The following BARD1 variants were observed in gnomAD, a reference collection of about 807,000 sequenced individuals.
BARD1 encodes BRCA1-associated RING domain protein 1.
Under a neutral mutation model 77.0 loss-of-function variants are expected in BARD1, and 73 were observed. That is an observed-to-expected ratio of 0.95 (90% CI 0.79 to 1.15). The LOEUF (loss-of-function observed/expected upper bound fraction) is 1.15. Ranked by LOEUF, BARD1 falls within the 50% of genes most tolerant of loss-of-function variation. BARD1 has a pLI of 0.00. For synonymous variants in BARD1, 384 were observed against 338.0 expected, an observed-to-expected ratio of 1.14 and a Z score of -1.49; for missense variants, 993 against 938.8, an observed-to-expected ratio of 1.06 and a Z score of -0.75.
intron 6 of BARD1, among the ~76,000 whole-genome samples, chr2:214,759,547 CA>C (rs938466883): frequency 1.6e-4 from 23 of 147,136 alleles, no homozygotes; most frequent in Non-Finnish European, 7.5e-5. Flanking sequence ...TTTTTTTATG[CA>C]AAAAAAAATT....
At chr2:214,756,990 TAATA>T (rs555578194) in intron 6 of BARD1, among the ~76,000 whole-genome samples, 4 of 152,180 alleles carry the variant, frequency 2.6e-5, no homozygotes, top group East Asian at 3.9e-4. Flanking sequence ...AAAAAAATTA[TAATA>T]AATAAATAAA....
At chr2:214,792,087 G>GA (rs1250032912) in intron 3 of BARD1, among the ~76,000 whole-genome samples, 2 of 150,282 alleles carry the variant, frequency 1.3e-5, no homozygotes, top group African/African-American at 2.5e-5. Context: ...GAGGTGGGGG[G>GA]AATCCCTTGA....
At chr2:214,792,852 C>T (rs1274365820) in intron 2 of BARD1, among the ~76,000 whole-genome samples, 1 of 152,110 alleles carries the variant, frequency 6.6e-6, no homozygotes, top group Admixed American at 6.6e-5. Flanking sequence ...TGTTTTGGGA[C>T]TAGTATCTCA....
rs113789798 is a variant in BARD1, at chr2:214,728,537, C to CTT, written c.*137_*138dup. On this transcript the variant is annotated 3_prime_UTR_variant, in exon 11 of 11. Coordinates refer to ENST00000260947, the MANE Select transcript of BARD1 (RefSeq NM_000465.4). ...CATGAATTCCTAATCTGGCATTAGA[C>CTT]TTTTTTTTTTTTTTTGATTCAAAGA... 199,626 of 582,174 alleles carry CTT rather than the reference C, an allele frequency of 0.34. 19,890 individuals are homozygous for CTT. The highest frequency in any genetic ancestry group is 0.53 in the African/African-American group (26,895 of 50,948). 36.1% of individuals were successfully genotyped at this position (582,174 alleles called of 1,614,324 possible). A position where few individuals can be genotyped will look rare whatever the true frequency, so the allele number is the denominator to read the frequency against.
At chr2:214,786,623 G>T (rs1308653855) in intron 3 of BARD1, among the ~76,000 whole-genome samples, 2 of 151,894 alleles carry the variant, frequency 1.3e-5, no homozygotes, top group Non-Finnish European at 2.9e-5. Flanking sequence ...TTCAGACATG[G>T]TCCCTCTCTA....
At chr2:214,766,380 G>A (rs1559408256) in intron 6 of BARD1, among the ~76,000 whole-genome samples, 1 of 152,056 alleles carries the variant, frequency 6.6e-6, no homozygotes, top group East Asian at 1.9e-4. Context: ...AAAATAAAAT[G>A]GGAATGAAAT....
At chr2:214,744,987 C>G (rs1693029814) in intron 9 of BARD1, 80 bp downstream of exon 9, 8 of 1,217,800 alleles carry the variant, frequency 6.6e-6, no homozygotes, top group Non-Finnish European at 9.6e-6. Flanking sequence ...ACATCAAGTT[C>G]CTTAATCACA....
At chr2:214,746,855 G>A (rs1319514134) in intron 7 of BARD1, among the ~76,000 whole-genome samples, 3 of 152,088 alleles carry the variant, frequency 2.0e-5, no homozygotes, top group Non-Finnish European at 4.4e-5. Context: ...ATTGACAAAT[G>A]GGATCTCATT....
At chr2:214,787,973 A>G (rs1414258386) in intron 3 of BARD1, among the ~76,000 whole-genome samples, 1 of 152,024 alleles carries the variant, frequency 6.6e-6, no homozygotes, top group East Asian at 1.9e-4. Context: ...TAACGCCTTC[A>G]CTGAAGAATG....
intron 9 of BARD1, 61 bp from the exon 10 acceptor site, chr2:214,730,569 T>C: frequency 7.3e-7 from 1 of 1,378,458 alleles, no homozygotes. Context: ...ATCTCTCTCA[T>C]TAAAATCAAG....
At chr2:214,769,881 C>T (rs1359858208) in intron 4 of BARD1, among the ~76,000 whole-genome samples, 1 of 152,194 alleles carries the variant, frequency 6.6e-6, no homozygotes, top group Non-Finnish European at 1.5e-5. Flanking sequence ...ATAAAGGACA[C>T]TGGCCAAAGA....
Position 214,726,351 on chromosome 2 carries a change from G to A in BARD1, c.*2325C>T. 1 of 204,214 alleles carries A rather than the reference G, an allele frequency of 4.9e-6. No individual in the cohort carries two copies. The highest frequency in any genetic ancestry group is 1.0e-5 in the Non-Finnish European group (1 of 99,614). 12.7% of individuals were successfully genotyped at this position (204,214 alleles called of 1,614,324 possible). On this transcript the variant is annotated 3_prime_UTR_variant, in exon 11 of 11. Transcript: ENST00000260947. ...AGAACTAGAAAATAGCCATGAGAAT[G>A]TGGAAAAGCTACCAGCCTCTCACTT...
intron 6 of BARD1, among the ~76,000 whole-genome samples, chr2:214,754,506 T>C (rs1693605713): frequency 6.6e-6 from 1 of 152,004 alleles, no homozygotes. Flanking sequence ...TACACATATT[T>C]GAAAAAAAGT....
chr2:214,745,970 T>C, intron 7 of BARD1, 116 bp from the exon 8 acceptor site: 2 of 1,215,078 alleles, frequency 1.6e-6, no homozygotes, highest in Non-Finnish European at 2.4e-6. Flanking sequence ...ACTCTAATAA[T>C]TTTCAATTAT....
intron 9 of BARD1, among the ~76,000 whole-genome samples, chr2:214,734,157 G>A (rs1054277729): frequency 4.0e-5 from 6 of 151,812 alleles, no homozygotes; most frequent in Non-Finnish European, 5.9e-5. Context: ...AATAATGGAG[G>A]ACCAATATAT....
At chr2:214,731,962 C>A (rs537569697) in intron 9 of BARD1, among the ~76,000 whole-genome samples, 2 of 152,162 alleles carry the variant, frequency 1.3e-5, no homozygotes, top group Non-Finnish European at 2.9e-5. Context: ...TTATATAGCA[C>A]CTGTAAGAGT....
chr2:214,776,756 G>A (rs144682226), intron 4 of BARD1, among the ~76,000 whole-genome samples: 36 of 152,286 alleles, frequency 2.4e-4, no homozygotes, highest in African/African-American at 8.4e-4. Context: ...AAGGGACACT[G>A]CAGTGTAATT....
At chr2:214,801,904 G>C (rs1225370917) in intron 1 of BARD1, among the ~76,000 whole-genome samples, 1 of 148,644 alleles carries the variant, frequency 6.7e-6, no homozygotes, top group Non-Finnish European at 1.5e-5. Context: ...CTGTCGCCCA[G>C]GCTGGAGTAC....
At chr2:214,769,017 C>G (rs549883749) in intron 5 of BARD1, among the ~76,000 whole-genome samples, 4 of 152,316 alleles carry the variant, frequency 2.6e-5, no homozygotes, top group African/African-American at 7.2e-5. Context: ...ATTCCTAAAT[C>G]TAAAGGTAGT....
Sources: allele counts gnomAD v4.1 joint callset (sites outside exome capture counted in the v4.1 genomes callset), GRCh38; gene constraint gnomAD v4.1.1; transcripts MANE v1.5; gene names NCBI Gene and HGNC (gene_info 2026-07-23, HGNC 2026-07-21).